Variants in ANKS1B observed in about 807,000 individuals in gnomAD.
ANKS1B encodes ankyrin repeat and sterile alpha motif domain-containing protein 1B.
ANKS1B carries 36 observed loss-of-function variants against 148.3 expected under a neutral mutation model. The observed-to-expected ratio is 0.24, with a 90% CI of 0.19 to 0.32. The LOEUF (loss-of-function observed/expected upper bound fraction) is 0.32. Among genes scored for constraint, ANKS1B ranks in the 10% least tolerant of loss-of-function variants. The probability of loss-of-function intolerance (pLI) is 1.00; values close to 1 mark genes in which losing one functional copy is unlikely to be tolerated. For missense variants in ANKS1B, 1,157 were observed against 1,542.6 expected (o/e 0.75, Z 4.19); for synonymous variants, 542 against 560.8 (o/e 0.97, Z 0.47).
intron 12 of ANKS1B, among the ~76,000 whole-genome samples, chr12:99,391,522 T>C (rs1366927691): frequency 6.6e-6 from 1 of 152,188 alleles, no homozygotes; most frequent in African/African-American, 2.4e-5. Context: ...CCCCACTCAT[T>C]GTTGGCATGA....
chr12:99,111,489 G>A (rs2060273322), intron 15 of ANKS1B, among the ~76,000 whole-genome samples: 1 of 151,860 alleles, frequency 6.6e-6, no homozygotes, highest in Admixed American at 6.6e-5. Flanking sequence ...TACTGCACAA[G>A]CCTGAGAGAG....
chr12:98,794,392 C>CAAAAAAAAAAAAAA (rs571692746), intron 22 of ANKS1B: 1 of 81,758 alleles, frequency 1.2e-5, no homozygotes, highest in African/African-American at 7.0e-5. Context: ...AACTCTGTCT[C>CAAAAAAAAAAAAAA]AAAAAAAAAA....
chr12:99,432,698 GGTA>G (rs2095396528), intron 11 of ANKS1B, among the ~76,000 whole-genome samples: 1 of 152,062 alleles, frequency 6.6e-6, no homozygotes, highest in Admixed American at 6.6e-5. Context: ...TCTCTCATAA[GGTA>G]GTATTTGAAT....
chr12:99,444,867 A>C (rs2095612110), intron 10 of ANKS1B, among the ~76,000 whole-genome samples: 1 of 151,890 alleles, frequency 6.6e-6, no homozygotes, highest in South Asian at 2.1e-4. Flanking sequence ...GCTGTCTACA[A>C]TCCCCAGTGA....
intron 1 of ANKS1B, among the ~76,000 whole-genome samples, chr12:99,903,039 A>T (rs760673859): frequency 1.3e-5 from 2 of 152,162 alleles, no homozygotes; most frequent in African/African-American, 4.8e-5. Context: ...ATGCTGGGAC[A>T]TGAGCCACCA....
At chr12:99,437,090 G>T (rs1022527292) in intron 11 of ANKS1B, among the ~76,000 whole-genome samples, 2 of 151,894 alleles carry the variant, frequency 1.3e-5, no homozygotes, top group African/African-American at 2.4e-5. Context: ...AAAGTTATGG[G>T]GTCTCTCCCA....
chr12:99,625,624 G>A (rs1403831898), intron 9 of ANKS1B, among the ~76,000 whole-genome samples: 2 of 152,124 alleles, frequency 1.3e-5, no homozygotes, highest in Non-Finnish European at 2.9e-5. Flanking sequence ...ACAAATGTTG[G>A]TTTTAGGATT....
At chr12:99,908,186 C>T (rs1313872434) in intron 1 of ANKS1B, among the ~76,000 whole-genome samples, 1 of 152,092 alleles carries the variant, frequency 6.6e-6, no homozygotes, top group Admixed American at 6.5e-5. Context: ...ACATAATATA[C>T]AGTTACTAAA....
intron 14 of ANKS1B, among the ~76,000 whole-genome samples, chr12:99,196,102 G>A (rs2081353724): frequency 6.6e-6 from 1 of 152,122 alleles, no homozygotes; most frequent in Non-Finnish European, 1.5e-5. Context: ...ATTGTCAACA[G>A]TAGTTTTTGC....
At chr12:99,807,023 G>A (rs145640009) in intron 3 of ANKS1B, among the ~76,000 whole-genome samples, 23 of 152,258 alleles carry the variant, frequency 1.5e-4, no homozygotes, top group Middle Eastern at 3.4e-3. Flanking sequence ...TCTGCATGGT[G>A]CATCACATCT....
chr12:99,227,266 ACATTTG>A (rs2086094493), intron 14 of ANKS1B, among the ~76,000 whole-genome samples: 1 of 152,036 alleles, frequency 6.6e-6, no homozygotes, highest in Non-Finnish European at 1.5e-5. Flanking sequence ...GCTTGCTCCT[ACATTTG>A]CTATACAAAG....
chr12:99,538,721 GC>G (rs2097096787), intron 9 of ANKS1B, among the ~76,000 whole-genome samples: 1 of 152,050 alleles, frequency 6.6e-6, no homozygotes, highest in Non-Finnish European at 1.5e-5. Context: ...CAATATGGAG[GC>G]CCTTTATATC....
intron 9 of ANKS1B, among the ~76,000 whole-genome samples, chr12:99,638,283 T>C (rs2098263540): frequency 6.6e-6 from 1 of 152,050 alleles, no homozygotes; most frequent in Admixed American, 6.6e-5. Context: ...TCCTAGAGAC[T>C]TGAGGGCTCA....
chr12:99,354,144 A>G (rs2091741133), intron 12 of ANKS1B, among the ~76,000 whole-genome samples: 1 of 152,070 alleles, frequency 6.6e-6, no homozygotes, highest in Non-Finnish European at 1.5e-5. Flanking sequence ...CTCAAAGAAT[A>G]TTAATAAATG....
intron 8 of ANKS1B, among the ~76,000 whole-genome samples, chr12:99,667,353 A>AAAAAGAAAAGAGAAG: frequency 6.7e-6 from 1 of 148,196 alleles, no homozygotes; most frequent in South Asian, 2.2e-4. Context: ...TGTCTCAAAA[A>AAAAAGAAAAGAGAAG]AAAAGAAAAG....
Position 98,775,059 on chromosome 12 carries a change from T to C in ANKS1B, c.3442-1880A>G, listed in dbSNP as rs186188454. 9.9e-5 allele frequency among the ~76,000 whole-genome samples: 15 copies of C among 152,256 alleles called. No homozygotes were observed. The East Asian group carries it at 2.9e-3, about 29-fold the overall frequency. On this transcript the variant is annotated intron_variant, in intron 24 of 26. Transcript: ENST00000683438. ...GAGAAAAAGGTGCAATGTGAGATGG[T>C]GTGGGAACCTCTGCCATTATCTTGA...
intron 8 of ANKS1B, among the ~76,000 whole-genome samples, chr12:99,764,623 A>G (rs1041564037): frequency 3.3e-5 from 5 of 152,146 alleles, no homozygotes; most frequent in Non-Finnish European, 7.4e-5. Context: ...GAGTTTCACC[A>G]TGTTGGCCAG....
intron 9 of ANKS1B, among the ~76,000 whole-genome samples, chr12:99,589,006 A>C (rs2097672172): frequency 6.6e-6 from 1 of 152,212 alleles, no homozygotes; most frequent in Non-Finnish European, 1.5e-5. Context: ...TTTCCCTGGC[A>C]CACACTACAA....
At chr12:99,745,453 A>G (rs1449109826) in intron 8 of ANKS1B, among the ~76,000 whole-genome samples, 1 of 152,200 alleles carries the variant, frequency 6.6e-6, no homozygotes, top group Non-Finnish European at 1.5e-5. Flanking sequence ...AACAACATTA[A>G]GAAGAGCAAA....
Sources: allele counts gnomAD v4.1 joint callset (sites outside exome capture counted in the v4.1 genomes callset), GRCh38; gene constraint gnomAD v4.1.1; transcripts MANE v1.5; gene names NCBI Gene and HGNC (gene_info 2026-07-23, HGNC 2026-07-21).